CNTNAP2: variants seen among roughly 807,000 people sequenced by gnomAD.
The protein encoded by CNTNAP2 is contactin-associated protein-like 2.
Under a neutral mutation model 155.2 loss-of-function variants are expected in CNTNAP2, and 98 were observed. The observed-to-expected ratio is 0.63, with a 90% confidence interval of 0.54 to 0.75. The LOEUF (loss-of-function observed/expected upper bound fraction) is 0.75. Ranked by LOEUF, CNTNAP2 falls within the 30% of genes least tolerant of loss-of-function variation. The pLI, the probability that CNTNAP2 is intolerant of heterozygous loss-of-function variation, is 0.00. For missense variants in CNTNAP2, 1,727 were observed against 1,688.1 expected (o/e 1.02, Z -0.40); for synonymous variants, 651 against 631.2 (o/e 1.03, Z -0.47).
intron 1 of CNTNAP2, among the ~76,000 whole-genome samples, chr7:146,352,884 C>T (rs962487649): frequency 2.0e-5 from 3 of 149,724 alleles, no homozygotes; most frequent in South Asian, 4.3e-4. Flanking sequence ...CCTCCCTAGT[C>T]GCTAGGACTA....
At chr7:146,162,183 G>C (rs181087051) in intron 1 of CNTNAP2, among the ~76,000 whole-genome samples, 2 of 152,278 alleles carry the variant, frequency 1.3e-5, no homozygotes, top group Admixed American at 6.5e-5. Context: ...AAACTAAAGA[G>C]CTTCTGCACA....
chr7:147,497,406 G>T (rs1448094728), intron 11 of CNTNAP2, among the ~76,000 whole-genome samples: 1 of 152,054 alleles, frequency 6.6e-6, no homozygotes, highest in African/African-American at 2.4e-5. Flanking sequence ...TCATTAGCAG[G>T]CATCAAAATG....
At chr7:146,590,141 C>A (rs920594064) in intron 1 of CNTNAP2, among the ~76,000 whole-genome samples, 1 of 152,056 alleles carries the variant, frequency 6.6e-6, no homozygotes, top group Admixed American at 6.6e-5. Flanking sequence ...TCTGTTTGTT[C>A]GTTTGTTTTG....
intron 8 of CNTNAP2, among the ~76,000 whole-genome samples, chr7:147,273,840 AT>A (rs1804823877): frequency 6.8e-6 from 1 of 147,514 alleles, no homozygotes; most frequent in Non-Finnish European, 1.5e-5. Flanking sequence ...AAAATGTAAT[AT>A]TTAAACATAT....
chr7:146,258,278 A>G (rs1799869190), intron 1 of CNTNAP2, among the ~76,000 whole-genome samples: 1 of 152,238 alleles, frequency 6.6e-6, no homozygotes, highest in Admixed American at 6.5e-5. Context: ...TCCTATATAT[A>G]CAAAAATTAA....
At chr7:148,347,443 A>G (rs1233616901) in intron 21 of CNTNAP2, among the ~76,000 whole-genome samples, 1 of 152,174 alleles carries the variant, frequency 6.6e-6, no homozygotes, top group African/African-American at 2.4e-5. Context: ...ACCCCAGAAC[A>G]GTAAACACAC....
chr7:146,970,536 G>A (rs1797764490), intron 3 of CNTNAP2, among the ~76,000 whole-genome samples: 1 of 152,180 alleles, frequency 6.6e-6, no homozygotes, highest in African/African-American at 2.4e-5. Flanking sequence ...AGTTAGAATG[G>A]CAATCAATAA....
At chr7:147,872,009 A>G (rs1175788569) in intron 13 of CNTNAP2, among the ~76,000 whole-genome samples, 6 of 152,160 alleles carry the variant, frequency 3.9e-5, no homozygotes, top group Non-Finnish European at 7.3e-5. Flanking sequence ...TTAAATTACC[A>G]CTGTCCCTAG....
At chr7:146,134,628 T>C (rs1413674279) in intron 1 of CNTNAP2, among the ~76,000 whole-genome samples, 1 of 150,606 alleles carries the variant, frequency 6.6e-6, no homozygotes, top group Non-Finnish European at 1.5e-5. Flanking sequence ...GAAGTGTTGT[T>C]GAATTTTGTC....
chr7:147,194,610 C>T (rs779740158), intron 8 of CNTNAP2, among the ~76,000 whole-genome samples: 4 of 152,082 alleles, frequency 2.6e-5, no homozygotes, highest in Non-Finnish European at 4.4e-5. Context: ...TTTTAATATT[C>T]GCCCTTCTCA....
intron 15 of CNTNAP2, among the ~76,000 whole-genome samples, chr7:147,982,273 T>C (rs553712955): frequency 6.6e-6 from 1 of 150,814 alleles, no homozygotes; most frequent in African/African-American, 2.4e-5. Context: ...ATAAATACTT[T>C]GGAGCAAGTT....
intron 16 of CNTNAP2, among the ~76,000 whole-genome samples, chr7:148,137,307 T>C (rs918171550): frequency 1.3e-5 from 2 of 152,230 alleles, no homozygotes; most frequent in Non-Finnish European, 2.9e-5. Flanking sequence ...CTTGTGACGA[T>C]TCTAAGGCAA....
chr7:146,678,238 T>G (rs913334867), intron 1 of CNTNAP2, among the ~76,000 whole-genome samples: 13 of 151,892 alleles, frequency 8.6e-5, no homozygotes, highest in African/African-American at 3.1e-4. Context: ...CTAGCTAATT[T>G]TTGTATTTTT....
chr7:146,170,349 A>G (rs1487306253), intron 1 of CNTNAP2, among the ~76,000 whole-genome samples: 1 of 152,036 alleles, frequency 6.6e-6, no homozygotes, highest in Admixed American at 6.6e-5. Context: ...TTTCTGATGA[A>G]ACTTTGCAGT....
At chr7:146,193,788 C>G (rs999855973) in intron 1 of CNTNAP2, among the ~76,000 whole-genome samples, 3 of 152,174 alleles carry the variant, frequency 2.0e-5, no homozygotes, top group African/African-American at 7.2e-5. Flanking sequence ...ATGGGTTTTC[C>G]TTTTCTATTG....
chr7:147,194,092 C>A (rs1482790283), intron 8 of CNTNAP2, among the ~76,000 whole-genome samples: 1 of 151,884 alleles, frequency 6.6e-6, no homozygotes, highest in Non-Finnish European at 1.5e-5. Context: ...ACCCCCCACC[C>A]CCCAACAGGC....
intron 13 of CNTNAP2, among the ~76,000 whole-genome samples, chr7:147,801,531 G>A (rs1022110397): frequency 6.6e-6 from 1 of 151,536 alleles, no homozygotes; most frequent in Non-Finnish European, 1.5e-5. Flanking sequence ...GATTCTTAAC[G>A]AGCATGCTGC....
At chr7:146,772,006 G>A (rs959023421) in intron 1 of CNTNAP2, among the ~76,000 whole-genome samples, 6 of 152,010 alleles carry the variant, frequency 3.9e-5, no homozygotes, top group Admixed American at 2.6e-4. Context: ...GGTTCATTGG[G>A]TTTAGTACAT....
chr7:148,166,343 A>C (rs1208891304), intron 17 of CNTNAP2, among the ~76,000 whole-genome samples: 1 of 152,202 alleles, frequency 6.6e-6, no homozygotes, highest in Non-Finnish European at 1.5e-5. Context: ...CGTGAAATAA[A>C]TATTTTTTGA....
Sources: gnomAD v4.1 joint callset for allele counts (sites outside exome capture counted in the v4.1 genomes callset) on GRCh38, gnomAD v4.1.1 for gene constraint, MANE v1.5 for transcripts, NCBI Gene and HGNC (gene_info 2026-07-23, HGNC 2026-07-21) for gene names.